TRAPPC3L: variants seen among roughly 807,000 people sequenced by gnomAD.
The protein encoded by TRAPPC3L is trafficking protein particle complex subunit 3-like protein.
TRAPPC3L carries 23 observed loss-of-function variants against 23.7 expected under a neutral mutation model. The ratio of observed to expected loss-of-function variants is 0.97; its 90% CI spans 0.70 to 1.37. The LOEUF (loss-of-function observed/expected upper bound fraction) is 1.37. Ranked by LOEUF, TRAPPC3L falls within the 40% of genes most tolerant of loss-of-function variation. The probability of loss-of-function intolerance (pLI) is 0.00; values close to 1 mark genes in which losing one functional copy is unlikely to be tolerated. For missense variants in TRAPPC3L, 212 were observed against 216.8 expected (o/e 0.98, Z 0.14); for synonymous variants, 81 against 77.9 (o/e 1.04, Z -0.21).
At chr6:116,527,921 C>T (rs913791890) in intron 3 of TRAPPC3L, among the ~76,000 whole-genome samples, 1 of 152,140 alleles carries the variant, frequency 6.6e-6, no homozygotes, top group African/African-American at 2.4e-5. Context: ...ATGTAAGAAG[C>T]CTGCGCGTTC....
At chr6:116,520,767 T>C (rs1338333643) in intron 3 of TRAPPC3L, 1 of 152,372 alleles carries the variant, frequency 6.6e-6, no homozygotes, top group Admixed American at 6.6e-5. Flanking sequence ...ATATTGGAAA[T>C]GTTATCTGGA....
chr6:116,505,059 GA>G (rs1379993075), intron 3 of TRAPPC3L, among the ~76,000 whole-genome samples: 1 of 152,150 alleles, frequency 6.6e-6, no homozygotes, highest in Non-Finnish European at 1.5e-5. Flanking sequence ...ATTCAATTAG[GA>G]AAAGAGGAAG....
At chr6:116,508,852 G>A (rs959384888) in intron 3 of TRAPPC3L, among the ~76,000 whole-genome samples, 1 of 152,060 alleles carries the variant, frequency 6.6e-6, no homozygotes, top group Non-Finnish European at 1.5e-5. Flanking sequence ...TCAGGCAAGA[G>A]AAAGAAATAA....
chr6:116,544,073 C>T (rs1213494791), intron 1 of TRAPPC3L, among the ~76,000 whole-genome samples: 2 of 150,638 alleles, frequency 1.3e-5, no homozygotes, highest in Non-Finnish European at 3.0e-5. Context: ...AAAGTCTGCT[C>T]AACATATAAG....
In TRAPPC3L at chr6:116,516,704, T is replaced by TAC. The variant is rs1396336807; in HGVS notation, c.241-16039_241-16038insGT. On this transcript the variant is annotated intron_variant, in intron 3 of 4. Coordinates refer to ENST00000368602, the MANE Select transcript of TRAPPC3L (RefSeq NM_001139444.3). ...ATATATATATATATATATATATATA[T>TAC]ATATACACACACACAGAAATATATA... 3.2e-5 allele frequency: 4 copies of TAC among 123,188 alleles called. No individual in the cohort carries two copies. The South Asian group carries it at 7.9e-4, about 24-fold the overall frequency. The allele number at this position is 123,188 out of a possible 1,614,324, so 7.6% of individuals were successfully genotyped here.
chr6:116,538,122 C>T (rs145957461), intron 3 of TRAPPC3L, among the ~76,000 whole-genome samples: 59 of 152,080 alleles, frequency 3.9e-4, no homozygotes, highest in African/African-American at 1.3e-3. Flanking sequence ...AGCTTTGTTC[C>T]CTTATGTTCT....
At chr6:116,511,905 A>G (rs755186432) in intron 3 of TRAPPC3L, 1 of 1,613,974 alleles carries the variant, frequency 6.2e-7, no homozygotes, top group Admixed American at 1.7e-5. Flanking sequence ...TTCTTTCTGA[A>G]CAATAGGTCG....
intron 4 of TRAPPC3L, 62 bp downstream of exon 4, chr6:116,500,419 C>T (rs1429706648): frequency 2.8e-6 from 4 of 1,405,212 alleles, no homozygotes; most frequent in Non-Finnish European, 3.9e-6. Context: ...TATTGGTTAT[C>T]TTATTTTAGC....
At chr6:116,528,394 C>T (rs997786900) in intron 3 of TRAPPC3L, among the ~76,000 whole-genome samples, 3 of 152,068 alleles carry the variant, frequency 2.0e-5, no homozygotes, top group South Asian at 2.1e-4. Flanking sequence ...AGGTACAAAG[C>T]GGAATAGACC....
intron 3 of TRAPPC3L, among the ~76,000 whole-genome samples, chr6:116,533,890 C>T (rs907816978): frequency 3.9e-5 from 6 of 152,142 alleles, no homozygotes; most frequent in African/African-American, 1.4e-4. Context: ...CCCATCAGCC[C>T]ACTTACACCC....
At chr6:116,525,612 G>A (rs1041049850) in intron 3 of TRAPPC3L, among the ~76,000 whole-genome samples, 1 of 152,152 alleles carries the variant, frequency 6.6e-6, no homozygotes, top group Non-Finnish European at 1.5e-5. Context: ...AACAATGCCA[G>A]AGAGAAATCT....
chr6:116,501,220 C>T (rs565645397), intron 3 of TRAPPC3L, among the ~76,000 whole-genome samples: 167 of 152,348 alleles, frequency 1.1e-3, no homozygotes, highest in African/African-American at 3.8e-3. Flanking sequence ...GCAGGTCCCA[C>T]GCCCATGGAG....
intron 3 of TRAPPC3L, among the ~76,000 whole-genome samples, chr6:116,539,707 T>C (rs1773316695): frequency 6.6e-6 from 1 of 152,142 alleles, no homozygotes; most frequent in Admixed American, 6.6e-5. Flanking sequence ...AAAATGAGAC[T>C]GACTTAATTG....
In TRAPPC3L at chr6:116,543,608, G is replaced by T. The variant is rs1012913333; in HGVS notation, c.43-208C>A. 1.1e-4 allele frequency among the ~76,000 whole-genome samples: 17 copies of T among 152,068 alleles called. 1 individual carries two copies. The highest frequency in any genetic ancestry group is 1.5e-5 in the Non-Finnish European group (1 of 67,954). ...GATGTGAGGTGGGGGAGAGAGAGCT[G>T]TTAAATAAAATGAATTTCGTAACAT... On this transcript the variant is annotated intron_variant, in intron 1 of 4. Transcript: ENST00000368602.
intron 3 of TRAPPC3L, chr6:116,515,893 T>C (rs758022020): frequency 8.7e-6 from 14 of 1,613,944 alleles, no homozygotes; most frequent in Middle Eastern, 1.7e-4. Flanking sequence ...AGCAACACTA[T>C]AGCACCCTCC....
At position 116,527,438 on chromosome 6, in the gene TRAPPC3L, C is replaced by T. The variant is rs567067745; in HGVS notation, c.240+12925G>A. ...GCTGAGGCAGGAGAATGGCGTGAAC[C>T]GGGGAGGCGGAGCTTGCAGTGAGCC... On this transcript the variant is annotated intron_variant, in intron 3 of 4. Transcript: ENST00000368602. Among the ~76,000 whole-genome samples the T allele has an allele frequency of 4.3e-3, 592 of 139,282 alleles. 3 individuals carry two copies. Among genetic ancestry groups the T allele is most frequent in the African/African-American group, 0.015 (573 of 37,994 alleles). 91.4% of individuals were successfully genotyped at this position (139,282 alleles called of 152,430 possible). A position where few individuals can be genotyped will look rare whatever the true frequency, so the allele number is the denominator to read the frequency against.
At chr6:116,543,954 A>G (rs1047338606) in intron 1 of TRAPPC3L, 3 of 1,133,612 alleles carry the variant, frequency 2.6e-6, no homozygotes, top group Non-Finnish European at 3.7e-6. Flanking sequence ...TCCCATTTTT[A>G]GAGTAAATTA....
intron 1 of TRAPPC3L, among the ~76,000 whole-genome samples, chr6:116,544,395 A>T (rs1158037399): frequency 1.3e-5 from 2 of 152,066 alleles, no homozygotes; most frequent in Non-Finnish European, 2.9e-5. Flanking sequence ...TTTCTGGTTC[A>T]GTACCCATAA....
chr6:116,540,822 G>C (rs2115237644), intron 2 of TRAPPC3L, among the ~76,000 whole-genome samples: 1 of 152,262 alleles, frequency 6.6e-6, no homozygotes, highest in African/African-American at 2.4e-5. Flanking sequence ...GAAATCAAAT[G>C]AGATCCTAGC....
Sources: allele counts gnomAD v4.1 joint callset (sites outside exome capture counted in the v4.1 genomes callset), GRCh38; gene constraint gnomAD v4.1.1; transcripts MANE v1.5; gene names NCBI Gene and HGNC (gene_info 2026-07-23, HGNC 2026-07-21).